Variants in SPINK5 observed in about 807,000 individuals in gnomAD.
SPINK5 encodes serine protease inhibitor Kazal-type 5.
SPINK5 carries 125 observed loss-of-function variants against 151.8 expected under a neutral mutation model. The ratio of observed to expected loss-of-function variants is 0.82; its 90% confidence interval spans 0.71 to 0.96. The LOEUF (loss-of-function observed/expected upper bound fraction) is 0.96. Ranked by LOEUF, SPINK5 falls within the 40% of genes least tolerant of loss-of-function variation. The pLI is 0.00. For synonymous variants in SPINK5, 374 were observed against 395.3 expected (o/e 0.95, Z 0.64); for missense variants, 1,194 against 1,291.9 (o/e 0.92, Z 1.16).
chr5:148,095,851 A>G lies in SPINK5; in HGVS notation c.828A>G (p.Thr276=). The G allele has an allele frequency of 1.2e-6, 2 of 1,612,490 alleles. No homozygotes were observed. Among genetic ancestry groups the G allele is most frequent in the East Asian group, 2.2e-5 (1 of 44,798 alleles). The stretch of plus-strand genomic sequence containing the variant: ...GTTTTTCAGAGGAAAACAGTAAAAC[A>G]GATCAAAATTTGGGAAAAGCTGAAG... The part of the protein sequence containing the change: ...KQRFSEENSK[T]DQNLGKAEEK... The change falls in exon 10 of 33, where the codon ACA becomes ACG. Residue 276 remains threonine, a synonymous_variant. Transcript: ENST00000256084.
Position 148,089,483 on chromosome 5 carries a change from C to G in SPINK5, c.475-11C>G. On this transcript the variant is annotated splice_polypyrimidine_tract_variant and intron_variant, in intron 6 of 32. Transcript: ENST00000256084. ...CTTGGTAAGTTTCAAGTTCTTTTCC[C>G]TGTTCTTCAGGATGTATGCAGTGCT... 1 of 1,611,466 alleles carries G rather than the reference C, an allele frequency of 6.2e-7. No individual in the cohort carries two copies. The highest frequency in any genetic ancestry group is 8.5e-7 in the Non-Finnish European group (1 of 1,178,316).
rs376653554 is a variant in SPINK5 at position 148,100,516 on chromosome 5, C to T, written c.1155C>T (p.Asn385=). The T allele has an allele frequency of 5.0e-6, 8 of 1,613,154 alleles. No homozygotes were observed. The highest frequency in any genetic ancestry group is 6.8e-6 in the Non-Finnish European group (8 of 1,179,444). ...GAAAACTTGCTTGCACCAGAGAGAA[C>T]GATCCTATCCAGGGCCCAGATGGGA... is the stretch of plus-strand genomic sequence containing the variant. ...RNGKLACTRE[N]DPIQGPDGKV... is the part of the protein sequence containing the mutation. The change falls in exon 13 of 33, where the codon AAC becomes AAT. Residue 385 remains asparagine (N), a synonymous_variant. Transcript: ENST00000256084.
Position 148,123,816 on chromosome 5 carries a change from T to G in SPINK5, c.2539-17T>G. The G allele has an allele frequency of 2.5e-6, 4 of 1,613,936 alleles. No individual in the cohort carries two copies. Among genetic ancestry groups the G allele is most frequent in the Non-Finnish European group, 3.4e-6 (4 of 1,179,952 alleles). The stretch of plus-strand genomic sequence containing the variant: ...TTATACCATGACAGTAACAACTTTT[T>G]CTGCTACTGTTGGTAGGATCTGTGT... On this transcript the variant is annotated splice_polypyrimidine_tract_variant and intron_variant, in intron 26 of 32. Transcript: ENST00000256084.
rs750310449 is a variant in SPINK5 at position 148,070,453 on chromosome 5, G to A, written c.209+3G>A. 2.4e-5 allele frequency: 38 copies of A among 1,612,174 alleles called. No individual in the cohort carries two copies. Among genetic ancestry groups the A allele is most frequent in the Non-Finnish European group, 3.1e-5 (37 of 1,178,800 alleles). ...TGTGCCACGTGCAAAATGATACTGT[G>A]AGTAAAGGTTTCTTTCTTTCTTTCC... On this transcript the variant is annotated splice_donor_region_variant and intron_variant, in intron 3 of 32. Transcript: ENST00000256084.
chr5:148,115,987 A>G (rs1754077305), intron 21 of SPINK5, among the ~76,000 whole-genome samples: 1 of 151,806 alleles, frequency 6.6e-6, no homozygotes, highest in Admixed American at 6.6e-5. Context: ...ACGCCTGGCT[A>G]ATTCTTGTAT....
chr5:148,113,335 C>A (rs1415314650), intron 20 of SPINK5, among the ~76,000 whole-genome samples: 1 of 152,088 alleles, frequency 6.6e-6, no homozygotes, highest in Non-Finnish European at 1.5e-5. Flanking sequence ...GAAGAACTTG[C>A]ATGTAAAGTT....
At chr5:148,092,141 C>T (rs1753328739) in intron 8 of SPINK5, among the ~76,000 whole-genome samples, 1 of 151,902 alleles carries the variant, frequency 6.6e-6, no homozygotes, top group Non-Finnish European at 1.5e-5. Context: ...ACATCCTGCA[C>T]ACTTTTGTAC....
intron 19 of SPINK5, 141 bp from the exon 20 acceptor site, chr5:148,112,726 AT>A: frequency 1.5e-6 from 2 of 1,309,888 alleles, no homozygotes; most frequent in East Asian, 2.6e-5. Context: ...ATGTAGAGAG[AT>A]GTGTGTTTAC....
At chr5:148,109,027 G>A (rs983966786) in intron 18 of SPINK5, among the ~76,000 whole-genome samples, 190 bp downstream of exon 18, 6 of 151,806 alleles carry the variant, frequency 4.0e-5, no homozygotes, top group African/African-American at 1.5e-4. Context: ...TCTATTAATT[G>A]CTCGTGCAGG....
chr5:148,119,493 CTGAT>C (rs1290003134), intron 24 of SPINK5, among the ~76,000 whole-genome samples: 12 of 152,138 alleles, frequency 7.9e-5, no homozygotes, highest in African/African-American at 2.7e-4. Flanking sequence ...TTTAAATGGT[CTGAT>C]TGTGATAAAA....
At chr5:148,116,548 G>GTT in intron 22 of SPINK5, 82 bp downstream of exon 22, 1 of 1,359,980 alleles carries the variant, frequency 7.4e-7, no homozygotes, top group Non-Finnish European at 1.1e-6. Context: ...TATAGTCTAT[G>GTT]GTAAAGGCAG....
chr5:148,127,189 G>A, intron 30 of SPINK5, 110 bp downstream of exon 30: 4 of 925,142 alleles, frequency 4.3e-6, no homozygotes, highest in Non-Finnish European at 5.0e-6. Context: ...TGCTGATTCA[G>A]TGCAGCCTGA....
chr5:148,084,984 CTCTT>C (rs1423129885), intron 4 of SPINK5, among the ~76,000 whole-genome samples: 2 of 151,556 alleles, frequency 1.3e-5, no homozygotes, highest in African/African-American at 2.4e-5. Context: ...TTCTCTCTCT[CTCTT>C]TTTTATTTTA....
intron 4 of SPINK5, among the ~76,000 whole-genome samples, chr5:148,073,764 T>G (rs1752802175): frequency 7.4e-6 from 1 of 134,284 alleles, no homozygotes; most frequent in South Asian, 2.4e-4. Context: ...AAAAATAAAA[T>G]TACAGTCTTA....
intron 21 of SPINK5, among the ~76,000 whole-genome samples, chr5:148,114,980 G>A (rs993953782): frequency 1.3e-5 from 2 of 152,190 alleles, no homozygotes; most frequent in African/African-American, 4.8e-5. Flanking sequence ...TGTGTATAAT[G>A]TGTATAATGA....
intron 19 of SPINK5, 125 bp downstream of exon 19, chr5:148,112,020 T>A (rs1045105708): frequency 1.4e-6 from 2 of 1,441,398 alleles, no homozygotes; most frequent in African/African-American, 2.8e-5. Flanking sequence ...TGCACTGAGT[T>A]TGGAAATTTA....
intron 32 of SPINK5, among the ~76,000 whole-genome samples, chr5:148,135,226 G>A (rs1754668833): frequency 6.6e-6 from 1 of 151,998 alleles, no homozygotes; most frequent in African/African-American, 2.4e-5. Flanking sequence ...TTAGTAGTTG[G>A]CTCCCATTTT....
At chr5:148,097,804 A>G in intron 10 of SPINK5, 63 bp from the exon 11 acceptor site, 1 of 1,499,704 alleles carries the variant, frequency 6.7e-7, no homozygotes. Context: ...TTGTAAAATA[A>G]CATTTAACAT....
intron 15 of SPINK5, 111 bp downstream of exon 15, chr5:148,102,019 G>GTAAGAATTTAA: frequency 6.7e-7 from 1 of 1,481,924 alleles, no homozygotes; most frequent in Non-Finnish European, 9.3e-7. Flanking sequence ...GTAGCATTCA[G>GTAAGAATTTAA]TCTTGGGTGT....
Sources: allele counts gnomAD v4.1 joint callset (sites outside exome capture counted in the v4.1 genomes callset), GRCh38; gene constraint gnomAD v4.1.1; transcripts MANE v1.5; gene names NCBI Gene and HGNC (gene_info 2026-07-23, HGNC 2026-07-21).